Variants in MPP7 observed in about 807,000 individuals in gnomAD.
The protein encoded by MPP7 is MAGUK p55 scaffold protein 7, also known as MAGUK p55 subfamily member 7.
Under a neutral mutation model 76.5 loss-of-function variants are expected in MPP7, and 60 were observed. The ratio of observed to expected loss-of-function variants is 0.78; its 90% confidence interval spans 0.64 to 0.97. The LOEUF (loss-of-function observed/expected upper bound fraction) is 0.97, where lower values mean the gene tolerates loss of function less well. MPP7 is among the 50% of genes least tolerant of loss of function. MPP7 has a pLI of 0.00. For synonymous variants in MPP7, 237 were observed against 244.5 expected (o/e 0.97, Z 0.29); for missense variants, 641 against 694.0 (o/e 0.92, Z 0.86).
intron 1 of MPP7, among the ~76,000 whole-genome samples, chr10:28,262,457 G>A (rs989336290): frequency 6.6e-6 from 1 of 150,788 alleles, no homozygotes; most frequent in Non-Finnish European, 1.5e-5. Flanking sequence ...ATCCCAAAGA[G>A]GCACAATGCA....
At chr10:28,321,414 T>C (rs563528127) in intron 2 of MPP7, among the ~76,000 whole-genome samples, 1 of 152,322 alleles carries the variant, frequency 6.6e-6, no homozygotes, top group African/African-American at 2.4e-5. Flanking sequence ...GATGTTATTA[T>C]TCCTATTTTA....
chr10:28,317,589 A>G (rs1180388597), intron 2 of MPP7, among the ~76,000 whole-genome samples: 2 of 152,248 alleles, frequency 1.3e-5, no homozygotes, highest in Non-Finnish European at 2.9e-5. Flanking sequence ...CCAAGTAGTC[A>G]TGTCAGCTCT....
intron 3 of MPP7, 48 bp from the exon 4 acceptor site, chr10:28,150,107 T>C: frequency 7.6e-7 from 1 of 1,308,640 alleles, no homozygotes; most frequent in Non-Finnish European, 1.1e-6. Context: ...GCAAACAATC[T>C]CAGATAGCTG....
chr10:28,301,277 CA>C (rs997142302), intron 1 of MPP7, among the ~76,000 whole-genome samples: 3 of 151,952 alleles, frequency 2.0e-5, no homozygotes, highest in African/African-American at 7.2e-5. Flanking sequence ...CTATTCAATT[CA>C]AAAAAAGGTA....
intron 1 of MPP7, among the ~76,000 whole-genome samples, chr10:28,278,221 C>G (rs971647317): frequency 6.6e-6 from 1 of 152,054 alleles, no homozygotes; most frequent in African/African-American, 2.4e-5. Flanking sequence ...AACAGCACTC[C>G]TATGTATGTT....
At chr10:28,175,324 C>T (rs1341724172) in intron 3 of MPP7, among the ~76,000 whole-genome samples, 2 of 151,180 alleles carry the variant, frequency 1.3e-5, no homozygotes, top group African/African-American at 4.9e-5. Flanking sequence ...CTTCCAAGAA[C>T]AGGCAAACCA....
chr10:28,153,885 C>T (rs545170915), intron 3 of MPP7, among the ~76,000 whole-genome samples: 1 of 152,214 alleles, frequency 6.6e-6, no homozygotes, highest in East Asian at 1.9e-4. Context: ...CTGAAAATTA[C>T]TGCCCAGTAG....
intron 5 of MPP7, among the ~76,000 whole-genome samples, chr10:28,143,635 T>C (rs1301649742): frequency 2.0e-5 from 3 of 151,702 alleles, no homozygotes; most frequent in African/African-American, 4.8e-5. Flanking sequence ...CAAATTTTCT[T>C]CTAATACATA....
intron 1 of MPP7, among the ~76,000 whole-genome samples, chr10:28,260,153 T>C (rs1006627300): frequency 2.0e-5 from 3 of 152,232 alleles, no homozygotes; most frequent in Non-Finnish European, 4.4e-5. Flanking sequence ...GTTACAATAA[T>C]TTTATGGCAT....
intron 5 of MPP7, among the ~76,000 whole-genome samples, chr10:28,137,230 C>A (rs1319725413): frequency 6.6e-6 from 1 of 152,122 alleles, no homozygotes; most frequent in Non-Finnish European, 1.5e-5. Flanking sequence ...ATTCTATACC[C>A]AGCAAAAATA....
chr10:28,160,621 T>C (rs534282929), intron 3 of MPP7, among the ~76,000 whole-genome samples: 1 of 152,348 alleles, frequency 6.6e-6, no homozygotes, highest in East Asian at 1.9e-4. Flanking sequence ...GAACCACGAC[T>C]ACCTACTATC....
chr10:28,237,963 ATG>A (rs1839132752), intron 2 of MPP7, among the ~76,000 whole-genome samples: 7 of 152,012 alleles, frequency 4.6e-5, no homozygotes, highest in Admixed American at 4.6e-4. Flanking sequence ...TTATGTACAC[ATG>A]TGTGTGTGTT....
At chr10:28,153,375 G>A (rs867458483) in intron 3 of MPP7, among the ~76,000 whole-genome samples, 3 of 152,046 alleles carry the variant, frequency 2.0e-5, no homozygotes, top group African/African-American at 7.2e-5. Context: ...GGAGAAAAGG[G>A]GAAATCTGGT....
At chr10:28,056,976 T>C (rs914316397) in intron 15 of MPP7, among the ~76,000 whole-genome samples, 4 of 152,232 alleles carry the variant, frequency 2.6e-5, no homozygotes, top group African/African-American at 9.6e-5. Flanking sequence ...AGCCCCTTTC[T>C]GATTTCAGGC....
chr10:28,053,971 A>C lies in MPP7; in HGVS notation c.*94T>G, dbSNP rs1851448603. On this transcript the variant is annotated 3_prime_UTR_variant, in exon 17 of 17. Transcript: ENST00000683449. ...CTTGAACCAAGATTGTACATCTATG[A>C]CAGTGATATAGATTTAAAAACCCTA... The C allele has an allele frequency of 1.1e-6, 1 of 899,800 alleles. No individual in the cohort carries two copies. The highest frequency in any genetic ancestry group is 1.8e-6 in the Non-Finnish European group (1 of 559,294). The allele number at this position is 899,800 out of a possible 1,614,324, so 55.7% of individuals were successfully genotyped here.
rs1851417423 is a variant in MPP7, at chr10:28,052,996, T to TC, written c.*1068dup. ...ACAATATAAGAGTCTTTCCTAAACT[T>TC]CTTTAACAATGGCAAGGTTAGGATG... On this transcript the variant is annotated 3_prime_UTR_variant, in exon 17 of 17. Transcript: ENST00000683449. 1 of 152,180 alleles carries TC rather than the reference T, an allele frequency of 6.6e-6. No individual in the cohort carries two copies. The highest frequency in any genetic ancestry group is 2.4e-5 in the African/African-American group (1 of 41,460). The allele number at this position is 152,180 out of a possible 1,614,324, so 9.4% of individuals were successfully genotyped here.
chr10:28,316,435 T>TAAAAAAAAAAAAA (rs549621404), intron 2 of MPP7, among the ~76,000 whole-genome samples: 5 of 37,150 alleles, frequency 1.3e-4, no homozygotes, highest in African/African-American at 4.2e-4. Context: ...ACTCTGTCTT[T>TAAAAAAAAAAAAA]AAAAAAAAAA....
At chr10:28,298,212 T>G (rs1841076692) in intron 1 of MPP7, among the ~76,000 whole-genome samples, 1 of 152,222 alleles carries the variant, frequency 6.6e-6, no homozygotes, top group Admixed American at 6.5e-5. Context: ...TTGTGAATCC[T>G]TTCCAGGTTT....
intron 3 of MPP7, among the ~76,000 whole-genome samples, chr10:28,200,231 G>C (rs569645189): frequency 6.6e-6 from 1 of 152,260 alleles, no homozygotes; most frequent in African/African-American, 2.4e-5. Flanking sequence ...ACTTGAAAAC[G>C]AATAGAATGG....
Sources: allele counts gnomAD v4.1 joint callset (sites outside exome capture counted in the v4.1 genomes callset), GRCh38; gene constraint gnomAD v4.1.1; transcripts MANE v1.5; gene names NCBI Gene and HGNC (gene_info 2026-07-23, HGNC 2026-07-21).